Variants in EXOC4 observed in about 807,000 individuals in gnomAD.
EXOC4 encodes the protein SEC8-like 1.
Under a neutral mutation model 107.2 loss-of-function variants are expected in EXOC4, and 71 were observed. The ratio of observed to expected loss-of-function variants is 0.66; its 90% CI spans 0.55 to 0.81. The LOEUF is 0.81. Ranked by LOEUF, EXOC4 falls within the 30% of genes least tolerant of loss-of-function variation. The pLI is 0.00. For missense variants in EXOC4, 1,108 were observed against 1,189.6 expected (o/e 0.93, Z 1.01); for synonymous variants, 456 against 441.2 (o/e 1.03, Z -0.42).
intron 7 of EXOC4, among the ~76,000 whole-genome samples, chr7:133,464,348 C>T (rs1011339412): frequency 6.6e-6 from 1 of 152,148 alleles, no homozygotes; most frequent in Admixed American, 6.6e-5. Flanking sequence ...GGTCACATAA[C>T]TAGTAAGTAG....
At chr7:133,931,576 A>G (rs1800176463) in intron 13 of EXOC4, among the ~76,000 whole-genome samples, 1 of 152,218 alleles carries the variant, frequency 6.6e-6, no homozygotes, top group African/African-American at 2.4e-5. Context: ...TGTAACTTAA[A>G]CTAAAAGTAT....
chr7:133,747,645 AATG>A (rs1423624875), intron 10 of EXOC4, among the ~76,000 whole-genome samples: 2 of 152,126 alleles, frequency 1.3e-5, no homozygotes. Flanking sequence ...ATGTTGGTAA[AATG>A]ATGATGGTGA....
At chr7:133,748,745 T>C (rs1373801900) in intron 10 of EXOC4, among the ~76,000 whole-genome samples, 2 of 152,124 alleles carry the variant, frequency 1.3e-5, no homozygotes, top group African/African-American at 4.8e-5. Context: ...AGAGATTCAG[T>C]GCCTAAGATA....
chr7:133,907,744 C>CAGG (rs1009103809), intron 12 of EXOC4, among the ~76,000 whole-genome samples: 93 of 151,964 alleles, frequency 6.1e-4, no homozygotes, highest in Non-Finnish European at 1.1e-3. Context: ...GAGGCTGAGG[C>CAGG]AGGAGAATCG....
intron 7 of EXOC4, among the ~76,000 whole-genome samples, chr7:133,404,881 C>G (rs1367760879): frequency 4.4e-5 from 2 of 45,542 alleles, no homozygotes; most frequent in South Asian, 1.5e-3. Context: ...GCCCCCCCCC[C>G]CAATACACAC....
intron 17 of EXOC4, among the ~76,000 whole-genome samples, chr7:134,060,950 AG>A (rs573887651): frequency 4.6e-4 from 70 of 152,162 alleles, no homozygotes; most frequent in Non-Finnish European, 9.7e-4. Flanking sequence ...GTTCATACGA[AG>A]CTCTTGAGGA....
chr7:134,047,836 G>A (rs1442682536), intron 17 of EXOC4, among the ~76,000 whole-genome samples: 2 of 152,088 alleles, frequency 1.3e-5, no homozygotes, highest in South Asian at 2.1e-4. Flanking sequence ...TAACCTAACC[G>A]GACAGGTTCT....
At chr7:133,591,988 ATTCTT>A (rs1801560499) in intron 9 of EXOC4, among the ~76,000 whole-genome samples, 1 of 152,108 alleles carries the variant, frequency 6.6e-6, no homozygotes, top group African/African-American at 2.4e-5. Flanking sequence ...TCCTGGGATT[ATTCTT>A]TGGCTAAAGA....
At chr7:133,357,657 G>T (rs973152319) in intron 6 of EXOC4, among the ~76,000 whole-genome samples, 1 of 152,088 alleles carries the variant, frequency 6.6e-6, no homozygotes, top group Non-Finnish European at 1.5e-5. Flanking sequence ...TTTTTTAAAA[G>T]AAGATAAAAT....
chr7:133,669,540 A>G (rs1158140438), intron 10 of EXOC4, among the ~76,000 whole-genome samples: 1 of 151,258 alleles, frequency 6.6e-6, no homozygotes, highest in East Asian at 2.0e-4. Context: ...TTAGAAACCA[A>G]TTAAATAATA....
intron 10 of EXOC4, among the ~76,000 whole-genome samples, chr7:133,777,344 A>G (rs1212299838): frequency 1.3e-5 from 2 of 152,020 alleles, no homozygotes; most frequent in Non-Finnish European, 2.9e-5. Flanking sequence ...TATCAATTAA[A>G]TGTGATTGTA....
chr7:133,985,174 A>T (rs145457357), intron 14 of EXOC4, among the ~76,000 whole-genome samples: 14 of 152,346 alleles, frequency 9.2e-5, no homozygotes, highest in African/African-American at 3.4e-4. Flanking sequence ...TATATTGTCC[A>T]TAGTCTTATG....
chr7:133,266,982 T>G (rs1238553682), intron 1 of EXOC4, among the ~76,000 whole-genome samples: 2 of 152,230 alleles, frequency 1.3e-5, no homozygotes, highest in Non-Finnish European at 2.9e-5. Context: ...GGGGCTCACT[T>G]CATATTAACT....
chr7:133,950,843 C>T (rs1307192352), intron 14 of EXOC4, among the ~76,000 whole-genome samples: 4 of 152,180 alleles, frequency 2.6e-5, no homozygotes, highest in African/African-American at 4.8e-5. Flanking sequence ...ATGCCTGTCA[C>T]GTCTGCTTCT....
intron 13 of EXOC4, among the ~76,000 whole-genome samples, chr7:133,925,244 T>A (rs945396630): frequency 6.6e-6 from 1 of 152,198 alleles, no homozygotes; most frequent in Non-Finnish European, 1.5e-5. Context: ...TCTATTCTTG[T>A]TTTTTAACTA....
At chr7:133,949,702 A>T (rs189337659) in intron 14 of EXOC4, among the ~76,000 whole-genome samples, 1 of 148,806 alleles carries the variant, frequency 6.7e-6, no homozygotes, top group Admixed American at 6.6e-5. Flanking sequence ...CCTCTAATAG[A>T]GTATTTTATC....
At chr7:134,073,086 AT>A in the EXOC4 span, among the ~76,000 whole-genome samples, 1 of 151,012 alleles carries the variant, frequency 6.6e-6, no homozygotes, top group Non-Finnish European at 1.5e-5. Flanking sequence ...GGTGCTTATA[AT>A]CCCAGCTACT....
intron 9 of EXOC4, among the ~76,000 whole-genome samples, chr7:133,570,774 T>C (rs934165605): frequency 1.6e-4 from 25 of 152,198 alleles, no homozygotes; most frequent in Non-Finnish European, 3.5e-4. Context: ...TCACTCTACC[T>C]AGAGGTTTGG....
chr7:133,340,654 C>T (rs1282265424), intron 5 of EXOC4, among the ~76,000 whole-genome samples: 1 of 151,876 alleles, frequency 6.6e-6, no homozygotes, highest in Non-Finnish European at 1.5e-5. Flanking sequence ...TCTGTCTAGT[C>T]CTGGACTTTT....
Sources: gnomAD v4.1 joint callset for allele counts (sites outside exome capture counted in the v4.1 genomes callset) on GRCh38, gnomAD v4.1.1 for gene constraint, MANE v1.5 for transcripts, NCBI Gene and HGNC (gene_info 2026-07-23, HGNC 2026-07-21) for gene names.